NDFIP2: variants seen among roughly 807,000 people sequenced by gnomAD.
NDFIP2 encodes the protein NEDD4 family-interacting protein 2.
A neutral mutation model predicts 36.0 loss-of-function variants in NDFIP2; 19 were observed. That is an observed-to-expected ratio of 0.53 (90% CI 0.37 to 0.77). The LOEUF (loss-of-function observed/expected upper bound fraction) is 0.77. Ranked by LOEUF, NDFIP2 falls within the 30% of genes least tolerant of loss-of-function variation. The probability of loss-of-function intolerance (pLI) is 0.00; values close to 1 mark genes in which losing one functional copy is unlikely to be tolerated. For missense variants in NDFIP2, 446 were observed against 435.8 expected (o/e 1.02, Z -0.21); for synonymous variants, 181 against 167.7 (o/e 1.08, Z -0.61).
Position 79,497,795 on chromosome 13 carries a change from GGT to G in NDFIP2, c.321+16304_321+16305del, listed in dbSNP as rs769463873. On this transcript the variant is annotated intron_variant, in intron 1 of 7. Transcript: ENST00000218652. ...CCATTTAAATCCTTTATCTGTGGGG[GGT>G]GTGTGTGTGTGTGTGTGTGTGTGTG... 3.4e-3 allele frequency among the ~76,000 whole-genome samples: 437 copies of G among 128,922 alleles called. 3 individuals carry two copies. Among genetic ancestry groups the G allele is most frequent in the South Asian group, 7.3e-3 (29 of 3,974 alleles). The allele number at this position is 128,922 out of a possible 152,430, so 84.6% of individuals were successfully genotyped here.
chr13:79,519,813 G>A (rs1376022778), intron 1 of NDFIP2, among the ~76,000 whole-genome samples: 7 of 152,188 alleles, frequency 4.6e-5, no homozygotes, highest in Non-Finnish European at 5.9e-5. Flanking sequence ...TTTTTGAGAC[G>A]GAGTCTCGCT....
chr13:79,550,027 T>C (rs1003170162), intron 6 of NDFIP2, among the ~76,000 whole-genome samples: 3 of 151,890 alleles, frequency 2.0e-5, no homozygotes, highest in Non-Finnish European at 4.4e-5. Context: ...GTTTGAGACT[T>C]CATATTTTAA....
chr13:79,504,588 A>G (rs980839106), intron 1 of NDFIP2, among the ~76,000 whole-genome samples: 1 of 152,076 alleles, frequency 6.6e-6, no homozygotes, highest in African/African-American at 2.4e-5. Context: ...GTGATTAAAC[A>G]TTACACTCAG....
chr13:79,551,630 T>C (rs1875912897), intron 7 of NDFIP2, among the ~76,000 whole-genome samples: 1 of 151,526 alleles, frequency 6.6e-6, no homozygotes, highest in South Asian at 2.1e-4. Context: ...AAAATAGTTC[T>C]GTTATTGTTT....
Position 79,535,077 on chromosome 13 carries a change from A to G in NDFIP2, c.621+1621A>G, listed in dbSNP as rs530471103. On this transcript the variant is annotated intron_variant, in intron 3 of 7. Transcript: ENST00000218652. ...GAATTTTTGTTGCTTTGAGGGGAAC[A>G]TCACAGAGGAGGAGGATAGATCTAA... 1.4e-4 allele frequency among the ~76,000 whole-genome samples: 21 copies of G among 152,300 alleles called. 1 individual carries two copies. The South Asian group carries it at 3.5e-3, about 26-fold the overall frequency.
chr13:79,548,523 A>G lies in NDFIP2; in HGVS notation c.907+129A>G, dbSNP rs1212588924. The G allele has an allele frequency of 6.8e-6, 5 of 736,616 alleles. No homozygotes were observed. The Admixed American group carries it at 1.0e-4, about 15-fold the overall frequency. The allele number at this position is 736,616 out of a possible 1,614,324, so 45.6% of individuals were successfully genotyped here. A position where few individuals can be genotyped will look rare whatever the true frequency, so the allele number is the denominator to read the frequency against. On this transcript the variant is annotated intron_variant, in intron 6 of 7. Coordinates refer to ENST00000218652, the MANE Select transcript of NDFIP2 (RefSeq NM_019080.3). ...TAAAATTCTCATATTCAAACACATCATCTCACGTTTTTAAACTATTCTATA... is the reference window on the plus strand; with the variant it reads ...TAAAATTCTCATATTCAAACACATCGTCTCACGTTTTTAAACTATTCTATA...
At chr13:79,517,022 T>C (rs1874373175) in intron 1 of NDFIP2, among the ~76,000 whole-genome samples, 1 of 152,200 alleles carries the variant, frequency 6.6e-6, no homozygotes, top group African/African-American at 2.4e-5. Flanking sequence ...TGCTTACAGT[T>C]TTCTTGTTAT....
intron 1 of NDFIP2, among the ~76,000 whole-genome samples, chr13:79,486,489 A>G (rs754103492): frequency 2.0e-4 from 31 of 152,350 alleles, no homozygotes; most frequent in Admixed American, 1.2e-3. Context: ...CATGTTTATC[A>G]TTAGCCTACA....
chr13:79,497,449 C>T lies in NDFIP2; in HGVS notation c.321+15925C>T, dbSNP rs563894196. On this transcript the variant is annotated intron_variant, in intron 1 of 7. Coordinates refer to ENST00000218652, the MANE Select transcript of NDFIP2 (RefSeq NM_019080.3). Reference sequence around the variant, plus strand: ...AGCTGCAAAAAGAAAAGGAAACTTACCTGGTGCAGGTTACTTTTACAAGTT... The same window carrying T: ...AGCTGCAAAAAGAAAAGGAAACTTATCTGGTGCAGGTTACTTTTACAAGTT... 2.4e-4 allele frequency among the ~76,000 whole-genome samples: 37 copies of T among 152,074 alleles called. No individual in the cohort carries two copies. In the South Asian group the frequency reaches 7.5e-3, roughly 31 times the overall value.
At chr13:79,491,788 A>C (rs1873233423) in intron 1 of NDFIP2, among the ~76,000 whole-genome samples, 1 of 152,202 alleles carries the variant, frequency 6.6e-6, no homozygotes, top group Non-Finnish European at 1.5e-5. Context: ...AAGGCTATGC[A>C]ATTGTAAATC....
intron 2 of NDFIP2, among the ~76,000 whole-genome samples, chr13:79,526,290 T>A (rs1376242770): frequency 6.6e-6 from 1 of 152,196 alleles, no homozygotes; most frequent in Non-Finnish European, 1.5e-5. Context: ...TTTAGGTGCC[T>A]TTGAGAACTA....
chr13:79,500,396 C>T (rs1022000465), intron 1 of NDFIP2, among the ~76,000 whole-genome samples: 9 of 151,662 alleles, frequency 5.9e-5, no homozygotes, highest in African/African-American at 1.7e-4. Flanking sequence ...AAAGATACTG[C>T]CAAGAAAATA....
intron 1 of NDFIP2, among the ~76,000 whole-genome samples, chr13:79,513,165 G>A (rs943432277): frequency 6.6e-6 from 1 of 152,280 alleles, no homozygotes; most frequent in South Asian, 2.1e-4. Context: ...CATGCCAAAG[G>A]AGTATCCTGA....
At chr13:79,545,771 C>G (rs1016165611) in intron 5 of NDFIP2, among the ~76,000 whole-genome samples, 1 of 152,166 alleles carries the variant, frequency 6.6e-6, no homozygotes, top group East Asian at 1.9e-4. Context: ...GGGTCTCACT[C>G]TGTCGCCCAG....
In NDFIP2 at chr13:79,497,677, T is replaced by TTC. The variant is rs1555356380; in HGVS notation, c.321+16153_321+16154insTC. On this transcript the variant is annotated intron_variant, in intron 1 of 7. Coordinates refer to ENST00000218652, the MANE Select transcript of NDFIP2 (RefSeq NM_019080.3). ...ATTTCTGAGTTTTTTTTTTTTTTTT[T>TTC]CTATTCCTTGCATTAACTCTCTCCC... 8.3e-3 allele frequency among the ~76,000 whole-genome samples: 1,221 copies of TTC among 147,158 alleles called. 12 individuals carry two copies. Among genetic ancestry groups the TTC allele is most frequent in the Middle Eastern group, 0.017 (5 of 288 alleles).
Position 79,487,233 on chromosome 13 carries a change from T to G in NDFIP2, c.321+5709T>G, listed in dbSNP as rs192787353. On this transcript the variant is annotated intron_variant, in intron 1 of 7. Coordinates refer to ENST00000218652, the MANE Select transcript of NDFIP2 (RefSeq NM_019080.3). ...CCCCCCAGGTGACTGTTCTGATTTTTTCACTTCAAATTACCTAGTTTTGCC... is the reference window on the plus strand; with the variant it reads ...CCCCCCAGGTGACTGTTCTGATTTTGTCACTTCAAATTACCTAGTTTTGCC... 5.3e-5 allele frequency among the ~76,000 whole-genome samples: 8 copies of G among 152,152 alleles called. No homozygotes were observed. The East Asian group carries it at 1.5e-3, about 29-fold the overall frequency.
rs1300480750 is a variant in NDFIP2 at position 79,555,180 on chromosome 13, G to A, written c.*2667G>A. The A allele has an allele frequency of 6.7e-6, 1 of 149,562 alleles. No homozygotes were observed. The highest frequency in any genetic ancestry group is 2.5e-5 in the African/African-American group (1 of 40,560). 9.3% of individuals were successfully genotyped at this position (149,562 alleles called of 1,614,324 possible). A position where few individuals can be genotyped will look rare whatever the true frequency, so the allele number is the denominator to read the frequency against. ...TAAAACCTCTCCTAACAGGAAAAGT[G>A]GAGTTCAAAATATCCAATTGGAGAA... On this transcript the variant is annotated 3_prime_UTR_variant, in exon 8 of 8. Coordinates refer to ENST00000218652, the MANE Select transcript of NDFIP2 (RefSeq NM_019080.3).
At chr13:79,547,246 A>G (rs1056928228) in intron 5 of NDFIP2, among the ~76,000 whole-genome samples, 1 of 151,880 alleles carries the variant, frequency 6.6e-6, no homozygotes, top group African/African-American at 2.4e-5. Context: ...TATTTTTGCC[A>G]CAGCCTAGGA....
chr13:79,481,499 A>G lies in NDFIP2; in HGVS notation c.296A>G (p.Gln99Arg). Residue 99 changes from glutamine to arginine, a missense_variant, in exon 1 of 8, where the codon CAG becomes CGG. Around this residue, in one of 2 missense-constraint regions of NDFIP2, gnomAD observed 369 missense variants for 304.8 expected, o/e 1.21. Transcript: ENST00000218652. ...GAGCCGGGCAGGATGGATCACCACC[A>G]GCCGGGGACTGGGCGCTACCAGGTG... ...DPEPGRMDHH[Q>R]PGTGRYQVLL... 2 of 1,556,044 alleles carry G rather than the reference A, an allele frequency of 1.3e-6. No homozygotes were observed. Among genetic ancestry groups the G allele is most frequent in the Non-Finnish European group, 1.7e-6 (2 of 1,149,654 alleles).
Sources: allele counts gnomAD v4.1 joint callset (sites outside exome capture counted in the v4.1 genomes callset), GRCh38; gene constraint gnomAD v4.1.1; regional missense constraint gnomAD v4.1.1; transcripts MANE v1.5; gene names NCBI Gene and HGNC (gene_info 2026-07-23, HGNC 2026-07-21).